Variants in ADAMTS6 observed in about 807,000 individuals in gnomAD.
ADAMTS6 encodes A disintegrin and metalloproteinase with thrombospondin motifs 6.
A neutral mutation model predicts 144.3 loss-of-function variants in ADAMTS6; 23 were observed. The observed-to-expected ratio is 0.16, with a 90% CI of 0.11 to 0.23. ADAMTS6 has a LOEUF of 0.23. ADAMTS6 is among the 10% of genes least tolerant of loss of function. The pLI is 1.00. For missense variants in ADAMTS6, 999 were observed against 1,379.6 expected (o/e 0.72, Z 4.37); for synonymous variants, 444 against 457.5 (o/e 0.97, Z 0.38).
chr5:65,297,246 T>C (rs1554065007), intron 10 of ADAMTS6: 1 of 455,766 alleles, frequency 2.2e-6, no homozygotes, highest in African/African-American at 2.0e-5. Context: ...TTAAGAAATC[T>C]GAAAAAAAAT....
At chr5:65,283,078 C>T (rs1156645262) in intron 11 of ADAMTS6, among the ~76,000 whole-genome samples, 2 of 152,052 alleles carry the variant, frequency 1.3e-5, no homozygotes, top group Non-Finnish European at 2.9e-5. Flanking sequence ...TCAGTAACAC[C>T]TCTCAACAGC....
chr5:65,338,331 T>C (rs989423568), intron 7 of ADAMTS6, among the ~76,000 whole-genome samples: 3 of 152,232 alleles, frequency 2.0e-5, no homozygotes, highest in African/African-American at 7.2e-5. Flanking sequence ...GCCATTCTTT[T>C]ACCCTAAATT....
intron 7 of ADAMTS6, among the ~76,000 whole-genome samples, chr5:65,384,158 C>T (rs1752292964): frequency 6.6e-6 from 1 of 152,218 alleles, no homozygotes; most frequent in Admixed American, 6.5e-5. Context: ...TCTATCCATA[C>T]TAATCTCCTT....
At chr5:65,360,338 C>T (rs1749712020) in intron 7 of ADAMTS6, among the ~76,000 whole-genome samples, 1 of 151,994 alleles carries the variant, frequency 6.6e-6, no homozygotes, top group African/African-American at 2.4e-5. Flanking sequence ...ATAAATCACC[C>T]CCAAGATCCA....
chr5:65,248,542 G>A (rs1442187643), intron 14 of ADAMTS6, among the ~76,000 whole-genome samples: 3 of 152,140 alleles, frequency 2.0e-5, no homozygotes, highest in Admixed American at 2.0e-4. Flanking sequence ...GCTCACTCCT[G>A]TAATCCCAGC....
chr5:65,164,239 G>A (rs1323679591), intron 24 of ADAMTS6, among the ~76,000 whole-genome samples: 2 of 151,920 alleles, frequency 1.3e-5, no homozygotes, highest in South Asian at 2.1e-4. Flanking sequence ...GGGTCAGGGA[G>A]TTCCCTTTCC....
intron 8 of ADAMTS6, among the ~76,000 whole-genome samples, chr5:65,330,245 T>A (rs1367578958): frequency 1.3e-5 from 2 of 152,136 alleles, no homozygotes; most frequent in African/African-American, 4.8e-5. Flanking sequence ...GATTTTAGTA[T>A]GTAGAAGTTT....
intron 20 of ADAMTS6, among the ~76,000 whole-genome samples, chr5:65,201,356 A>T (rs979299104): frequency 2.6e-5 from 4 of 152,198 alleles, no homozygotes; most frequent in Non-Finnish European, 5.9e-5. Context: ...AGAGAATTAA[A>T]TAATTTTGTA....
intron 3 of ADAMTS6, among the ~76,000 whole-genome samples, chr5:65,465,858 G>GCT (rs1759953191): frequency 2.0e-5 from 3 of 152,126 alleles, no homozygotes; most frequent in Admixed American, 2.0e-4. Context: ...ATGCCCAAGG[G>GCT]CTCAGTCCTT....
intron 11 of ADAMTS6, among the ~76,000 whole-genome samples, chr5:65,276,846 T>C (rs931307519): frequency 6.6e-5 from 10 of 152,192 alleles, no homozygotes; most frequent in Non-Finnish European, 1.2e-4. Context: ...TGAGAAAGAA[T>C]GATTTTCTTT....
At chr5:65,384,961 A>G (rs1331546963) in intron 7 of ADAMTS6, among the ~76,000 whole-genome samples, 1 of 152,198 alleles carries the variant, frequency 6.6e-6, no homozygotes, top group Non-Finnish European at 1.5e-5. Context: ...ATCATAGATG[A>G]TACCTTCTTG....
At chr5:65,319,675 G>GAGGGAGGGAGGGAAGGA (rs1745353833) in intron 9 of ADAMTS6, among the ~76,000 whole-genome samples, 2 of 113,388 alleles carry the variant, frequency 1.8e-5, no homozygotes, top group Non-Finnish European at 3.6e-5. Flanking sequence ...AAAAGGAAGG[G>GAGGGAGGGAGGGAAGGA]AGGGAGGGAG....
chr5:65,275,383 G>GAA (rs1293856408), intron 11 of ADAMTS6, among the ~76,000 whole-genome samples: 2 of 130,340 alleles, frequency 1.5e-5, no homozygotes, highest in Non-Finnish European at 3.3e-5. Context: ...AAGAAAGAAA[G>GAA]AAAGAAAGAA....
chr5:65,376,752 G>A (rs1751595602), intron 7 of ADAMTS6, among the ~76,000 whole-genome samples: 2 of 151,778 alleles, frequency 1.3e-5, no homozygotes, highest in South Asian at 4.2e-4. Context: ...GATCACTTGA[G>A]CCTGGGAGGT....
chr5:65,163,463 G>A (rs72758887), intron 24 of ADAMTS6, among the ~76,000 whole-genome samples: 1,547 of 152,210 alleles, frequency 0.01, 17 homozygotes, highest in Non-Finnish European at 0.015. Flanking sequence ...TTGTGTTGAG[G>A]CTTAAGTATA....
chr5:65,275,411 G>GAAAGAAAGA (rs1554060504), intron 11 of ADAMTS6, among the ~76,000 whole-genome samples: 35 of 125,946 alleles, frequency 2.8e-4, no homozygotes, highest in African/African-American at 1.0e-3. Flanking sequence ...AAGAAAGAAA[G>GAAAGAAAGA]AAAGAAAAGA....
intron 14 of ADAMTS6, among the ~76,000 whole-genome samples, chr5:65,251,989 A>G (rs1760203655): frequency 6.6e-6 from 1 of 152,144 alleles, no homozygotes. Context: ...TTAAATCAGC[A>G]TTAGAAAGAA....
chr5:65,425,549 T>C (rs1385267533), intron 7 of ADAMTS6, among the ~76,000 whole-genome samples: 1 of 152,230 alleles, frequency 6.6e-6, no homozygotes, highest in Non-Finnish European at 1.5e-5. Context: ...TCCAGACTTG[T>C]CTTTGTGATG....
Position 65,189,047 on chromosome 5 carries a change from A to C in ADAMTS6, c.2706-827T>G, listed in dbSNP as rs545219508. Among the ~76,000 whole-genome samples, 30 of 152,336 alleles carry C rather than the reference A, an allele frequency of 2.0e-4. No homozygotes were observed. The South Asian group carries it at 6.2e-3, about 32-fold the overall frequency. On this transcript the variant is annotated intron_variant, in intron 21 of 24. Coordinates refer to ENST00000381055, the MANE Select transcript of ADAMTS6 (RefSeq NM_197941.4). ...AAGAGCAGAGCTCTGAGCTAGCTCT[A>C]TGAAAACAGGCAGATCTCTTGTTTC...
Sources: allele counts gnomAD v4.1 joint callset (sites outside exome capture counted in the v4.1 genomes callset), GRCh38; gene constraint gnomAD v4.1.1; transcripts MANE v1.5; gene names NCBI Gene and HGNC (gene_info 2026-07-23, HGNC 2026-07-21).